The following PRRT1 variants were observed in gnomAD, a reference collection of about 807,000 sequenced individuals.
The protein encoded by PRRT1 is proline rich transmembrane protein 1, also known as proline-rich transmembrane protein 1.
PRRT1 carries 8 observed loss-of-function variants against 22.6 expected under a neutral mutation model. That is an observed-to-expected ratio of 0.35 (90% CI 0.21 to 0.64). PRRT1 has a LOEUF of 0.64. PRRT1 is among the 30% of genes least tolerant of loss of function. The pLI is 0.69. For synonymous variants in PRRT1, 176 were observed against 203.6 expected (o/e 0.86, Z 1.15); for missense variants, 315 against 444.5 (o/e 0.71, Z 2.62).
Position 32,150,544 on chromosome 6 carries a change from C to T in PRRT1, c.382G>A (p.Ala128Thr). Reference protein sequence around the residue: ...FEGPLPPPPPAAAAPPPPAPA... With the variant: ...FEGPLPPPPPTAAAPPPPAPA... ...GCCGGCGGGGGCGGGGCGGCGGCAG[C>T]GGGCGGCGGCGGGGGAAGTGGGCCC... The change falls in exon 2 of 4, where the codon GCT (alanine) becomes ACT (threonine). Residue 128 changes from alanine (A) to threonine (T), a missense_variant. Ala to Thr is a moderately conservative substitution (Grantham distance 58, BLOSUM62 0). Transcript: ENST00000211413. This position sits in a 1 kb window ranked among gnomAD's most constrained non-coding sequence, Gnocchi z 7.2. 1.5e-6 allele frequency: 2 copies of T among 1,361,536 alleles called. No homozygotes were observed. Among genetic ancestry groups the T allele is most frequent in the Non-Finnish European group, 9.4e-7 (1 of 1,059,824 alleles). The allele number at this position is 1,361,536 out of a possible 1,614,324, so 84.3% of individuals were successfully genotyped here.
chr6:32,151,986 A>AGGGGGGGGGGGGGGGG, upstream of PRRT1: 1 of 75,950 alleles, frequency 1.3e-5, no homozygotes, highest in South Asian at 5.3e-5. Context: ...GCGGAGGGAG[A>AGGGGGGGGGGGGGGGG]GCGGGGAGGG....
chr6:32,148,591 T>C lies in PRRT1; in HGVS notation c.*631A>G, dbSNP rs1783087407. 1 of 350,962 alleles carries C rather than the reference T, an allele frequency of 2.8e-6. No homozygotes were observed. The highest frequency in any genetic ancestry group is 4.4e-4 in the Middle Eastern group (1 of 2,276). 21.7% of individuals were successfully genotyped at this position (350,962 alleles called of 1,614,324 possible). ...GGGAGAAGGGTCCTACACCAGGAAC[T>C]TCCCAAATGTCCTTAAAAAAAGCAA... On this transcript the variant is annotated 3_prime_UTR_variant, in exon 4 of 4. Transcript: ENST00000211413. This position sits in a 1 kb window ranked among gnomAD's most constrained non-coding sequence, Gnocchi z 5.7.
Position 32,149,383 on chromosome 6 carries a change from C to T in PRRT1, c.760G>A (p.Ala254Thr), listed in dbSNP as rs1438887081. 2 of 1,601,586 alleles carry T rather than the reference C, an allele frequency of 1.2e-6. No individual in the cohort carries two copies. Among genetic ancestry groups the T allele is most frequent in the Non-Finnish European group, 8.5e-7 (1 of 1,171,598 alleles). The stretch of plus-strand genomic sequence containing the variant: ...TCGGCCGACACCATGTCTCCGCGGG[C>T]CAAGGCCGTGCGCACCTACGGAGGA... The part of the protein sequence containing the change: ...FKAVQVRTAL[A>T]RGDMVSAEIA... Residue 254 changes from alanine to threonine, a missense_variant, in exon 4 of 4, where the codon GCC (alanine) becomes ACC (threonine). This residue lies in a region of PRRT1 where 25 missense variants were observed against 47.8 expected (regional missense o/e 0.52). Transcript: ENST00000211413. The surrounding 1 kb of genome is among the most constrained non-coding windows in gnomAD (Gnocchi z 8.7).
chr6:32,151,594 T>G, intron 1 of PRRT1: 1 of 585,392 alleles, frequency 1.7e-6, no homozygotes, highest in Non-Finnish European at 3.1e-6. Flanking sequence ...CCTGACCATG[T>G]TGTTGGCAAG....
Position 32,149,178 on chromosome 6 carries a change from T to C in PRRT1, c.*44A>G. On this transcript the variant is annotated 3_prime_UTR_variant, in exon 4 of 4. Transcript: ENST00000211413. The surrounding 1 kb of genome is among the most constrained non-coding windows in gnomAD (Gnocchi z 8.7). Reference sequence around the variant, plus strand: ...CCGCGGTATGACTGCAGAAAGAGCCTGGGAGATCGAGGGGCGCAGAGTGGG... The same window carrying C: ...CCGCGGTATGACTGCAGAAAGAGCCCGGGAGATCGAGGGGCGCAGAGTGGG... 6.3e-7 allele frequency: 1 copy of C among 1,599,956 alleles called. No homozygotes were observed. The highest frequency in any genetic ancestry group is 8.5e-7 in the Non-Finnish European group (1 of 1,172,678).
Position 32,150,348 on chromosome 6 carries a change from C to A in PRRT1, c.558+20G>T. On this transcript the variant is annotated intron_variant, in intron 2 of 3. Transcript: ENST00000211413. The surrounding 1 kb of genome is among the most constrained non-coding windows in gnomAD (Gnocchi z 7.2). ...ATCGCGTCCCCCTCTTTCCCATGTC[C>A]CTGTCTGCCCGGCACTCACCGTGCC... The A allele has an allele frequency of 6.5e-7, 1 of 1,550,326 alleles. No homozygotes were observed. Among genetic ancestry groups the A allele is most frequent in the Non-Finnish European group, 8.7e-7 (1 of 1,155,964 alleles).
rs1041025366 is a variant in PRRT1 at position 32,148,449 on chromosome 6, G to A, written c.*773C>T. On this transcript the variant is annotated 3_prime_UTR_variant, in exon 4 of 4. Transcript: ENST00000211413. The surrounding 1 kb of genome is among the most constrained non-coding windows in gnomAD (Gnocchi z 5.7). The stretch of plus-strand genomic sequence containing the variant: ...ACAAGGCGGGGCCGCCGAGGGGAGC[G>A]GGGAGCGGGGACTTGGGAGGTCCAT... 30 of 255,416 alleles carry A rather than the reference G, an allele frequency of 1.2e-4. No individual in the cohort carries two copies. Among genetic ancestry groups the A allele is most frequent in the Admixed American group, 4.3e-4 (9 of 20,852 alleles). 15.8% of individuals were successfully genotyped at this position (255,416 alleles called of 1,614,324 possible).
chr6:32,151,274 C>A (rs535630249), intron 1 of PRRT1: 1 of 523,970 alleles, frequency 1.9e-6, no homozygotes, highest in South Asian at 2.0e-5. Context: ...CGTAGACATG[C>A]AACCCTGTGT....
At position 32,149,469 on chromosome 6, in the gene PRRT1, A is replaced by C. The variant is rs1193982912; in HGVS notation, c.744+68T>G. 1.9e-6 allele frequency: 3 copies of C among 1,604,650 alleles called. No individual in the cohort carries two copies. Among genetic ancestry groups the C allele is most frequent in the African/African-American group, 2.7e-5 (2 of 74,766 alleles). ...GTTCGAACGCCTCAGCCTTTCTCTA[A>C]GATGGTCCCCAGAACGCCCAGAACT... On this transcript the variant is annotated intron_variant, in intron 3 of 3. Transcript: ENST00000211413. This position sits in a 1 kb window ranked among gnomAD's most constrained non-coding sequence, Gnocchi z 8.7.
At chr6:32,151,030 G>C (rs985151122) in intron 1 of PRRT1, 124 bp from the exon 2 acceptor site, 5 of 828,574 alleles carry the variant, frequency 6.0e-6, no homozygotes, top group African/African-American at 3.4e-5. Flanking sequence ...CACATAGAGA[G>C]AGACGGGTGA....
Position 32,148,956 on chromosome 6 carries a change from G to A in PRRT1, c.*266C>T, listed in dbSNP as rs770373725. On this transcript the variant is annotated 3_prime_UTR_variant, in exon 4 of 4. Transcript: ENST00000211413. The surrounding 1 kb of genome is among the most constrained non-coding windows in gnomAD (Gnocchi z 5.7). ...GGGCGCTACACTTTGAGGGTGAGGG[G>A]GCCTGGAGCGACTGAGGGTCCGGCG... 1.9e-5 allele frequency: 13 copies of A among 690,798 alleles called. No homozygotes were observed. Among genetic ancestry groups the A allele is most frequent in the South Asian group, 7.5e-5 (5 of 66,630 alleles). The allele number at this position is 690,798 out of a possible 1,614,324, so 42.8% of individuals were successfully genotyped here.
upstream of PRRT1, chr6:32,152,285 C>A: frequency 2.4e-6 from 1 of 418,428 alleles, no homozygotes; most frequent in South Asian, 1.9e-5. Flanking sequence ...AACCCAGGTG[C>A]CTCCAGAGGC....
Position 32,149,145 on chromosome 6 carries a change from C to A in PRRT1, c.*77G>T. 6.8e-7 allele frequency: 1 copy of A among 1,477,360 alleles called. No individual in the cohort carries two copies. Among genetic ancestry groups the A allele is most frequent in the Non-Finnish European group, 9.4e-7 (1 of 1,069,262 alleles). The allele number at this position is 1,477,360 out of a possible 1,614,324, so 91.5% of individuals were successfully genotyped here. On this transcript the variant is annotated 3_prime_UTR_variant, in exon 4 of 4. Transcript: ENST00000211413. This position sits in a 1 kb window ranked among gnomAD's most constrained non-coding sequence, Gnocchi z 8.7. ...CCCAGAAACGGGTGTGCAGGGCGCCCATTGGGTCCGCGGTATGACTGCAGA... is the reference window on the plus strand; with the variant it reads ...CCCAGAAACGGGTGTGCAGGGCGCCAATTGGGTCCGCGGTATGACTGCAGA...
chr6:32,148,498 C>T lies in PRRT1; in HGVS notation c.*724G>A, dbSNP rs888212228. The stretch of plus-strand genomic sequence containing the variant: ...ATAGCCTGGATTCCCTTCTGCCCGG[C>T]TGCCCAGGGGCTGGGATGGGTGGAA... On this transcript the variant is annotated 3_prime_UTR_variant, in exon 4 of 4. Coordinates refer to ENST00000211413, the MANE Select transcript of PRRT1 (RefSeq NM_030651.4). The surrounding 1 kb of genome is among the most constrained non-coding windows in gnomAD (Gnocchi z 5.7). The T allele has an allele frequency of 1.4e-5, 4 of 290,158 alleles. No homozygotes were observed. The highest frequency in any genetic ancestry group is 8.8e-5 in the Admixed American group (2 of 22,752). The allele number at this position is 290,158 out of a possible 1,614,324, so 18.0% of individuals were successfully genotyped here. A position where few individuals can be genotyped will look rare whatever the true frequency, so the allele number is the denominator to read the frequency against.
At chr6:32,152,487 C>T (rs1361793151), upstream of PRRT1, among the ~76,000 whole-genome samples, 1 of 152,080 alleles carries the variant, frequency 6.6e-6, no homozygotes, top group Non-Finnish European at 1.5e-5. Flanking sequence ...AAGAGGGAGG[C>T]CCAGGTCTGT....
At position 32,149,055 on chromosome 6, in the gene PRRT1, G is replaced by C; in HGVS notation, c.*167C>G. 1 of 808,492 alleles carries C rather than the reference G, an allele frequency of 1.2e-6. No homozygotes were observed. The highest frequency in any genetic ancestry group is 2.1e-6 in the Non-Finnish European group (1 of 476,180). The allele number at this position is 808,492 out of a possible 1,614,324, so 50.1% of individuals were successfully genotyped here. On this transcript the variant is annotated 3_prime_UTR_variant, in exon 4 of 4. Coordinates refer to ENST00000211413, the MANE Select transcript of PRRT1 (RefSeq NM_030651.4). This position sits in a 1 kb window ranked among gnomAD's most constrained non-coding sequence, Gnocchi z 8.7. ...AGGGGTTCCTGAGGAACTGGATTCCGAGCTTGCTCGCAAGGCGAGACGTTC... is the reference window on the plus strand; with the variant it reads ...AGGGGTTCCTGAGGAACTGGATTCCCAGCTTGCTCGCAAGGCGAGACGTTC...
chr6:32,152,199 C>T, upstream of PRRT1: 1 of 611,508 alleles, frequency 1.6e-6, no homozygotes, highest in Non-Finnish European at 3.1e-6. Flanking sequence ...GGAAGGAGAA[C>T]TCTCTGGAGT....
rs1186778798 is a variant in PRRT1 at position 32,149,509 on chromosome 6, C to G, written c.744+28G>C. 6.2e-7 allele frequency: 1 copy of G among 1,612,262 alleles called. No individual in the cohort carries two copies. Among genetic ancestry groups the G allele is most frequent in the African/African-American group, 1.3e-5 (1 of 74,946 alleles). On this transcript the variant is annotated intron_variant, in intron 3 of 3. Coordinates refer to ENST00000211413, the MANE Select transcript of PRRT1 (RefSeq NM_030651.4). The surrounding 1 kb of genome is among the most constrained non-coding windows in gnomAD (Gnocchi z 8.7). ...CGCCCAGAACTCCCTGTCCCCGCCC[C>G]CAAACCGAGTATGCCCCTGCCCCCT...
Position 32,150,551 on chromosome 6 carries a change from C to A in PRRT1, c.375G>T (p.Pro125=). 7.3e-7 allele frequency: 1 copy of A among 1,360,634 alleles called. No individual in the cohort carries two copies. 84.3% of individuals were successfully genotyped at this position (1,360,634 alleles called of 1,614,324 possible). ...ETRFEGPLPP[P]PPAAAAPPPP... ...GGGGCGGGGCGGCGGCAGCGGGCGGCGGCGGGGGAAGTGGGCCCTCGAAGC... is the reference window on the plus strand; with the variant it reads ...GGGGCGGGGCGGCGGCAGCGGGCGGAGGCGGGGGAAGTGGGCCCTCGAAGC... The change falls in exon 2 of 4, where the codon CCG becomes CCT. Residue 125 remains proline (P), a synonymous_variant. Transcript: ENST00000211413. This position sits in a 1 kb window ranked among gnomAD's most constrained non-coding sequence, Gnocchi z 7.2.
Sources: gnomAD v4.1 joint callset for allele counts (sites outside exome capture counted in the v4.1 genomes callset) on GRCh38, gnomAD v4.1.1 for gene constraint, gnomAD v4.1.1 regional missense constraint, Gnocchi (gnomAD v3.1) non-coding constraint, MANE v1.5 for transcripts, NCBI Gene and HGNC (gene_info 2026-07-23, HGNC 2026-07-21) for gene names.